The following TEC variants were observed in gnomAD, a reference collection of about 807,000 sequenced individuals.
TEC encodes the protein tyrosine-protein kinase Tec.
In TEC, 72 loss-of-function variants were observed where a neutral mutation model predicts 93.0. That is an observed-to-expected ratio of 0.77 (90% CI 0.64 to 0.94). The LOEUF (loss-of-function observed/expected upper bound fraction) is 0.94. TEC is among the 40% of genes least tolerant of loss of function. TEC has a pLI of 0.00. For synonymous variants in TEC, 249 were observed against 247.7 expected, an observed-to-expected ratio of 1.01 and a Z score of -0.05; for missense variants, 630 against 757.9, an observed-to-expected ratio of 0.83 and a Z score of 1.98.
chr4:48,165,587 G>A (rs938545729), intron 7 of TEC, among the ~76,000 whole-genome samples: 5 of 151,166 alleles, frequency 3.3e-5, no homozygotes, highest in East Asian at 1.9e-4. Context: ...ATTACTAAAA[G>A]TAGGACATCC....
chr4:48,209,284 T>C (rs1722815712), intron 2 of TEC, among the ~76,000 whole-genome samples: 1 of 152,166 alleles, frequency 6.6e-6, no homozygotes, highest in Non-Finnish European at 1.5e-5. Context: ...ACTATGTCTC[T>C]ATGTAACAGT....
chr4:48,187,653 GC>G (rs1427657977), intron 2 of TEC, among the ~76,000 whole-genome samples: 1 of 151,960 alleles, frequency 6.6e-6, no homozygotes, highest in Non-Finnish European at 1.5e-5. Flanking sequence ...CTCCTTTGTG[GC>G]CCCAGAGCTA....
At chr4:48,219,682 A>C (rs1723192179) in intron 2 of TEC, among the ~76,000 whole-genome samples, 1 of 151,960 alleles carries the variant, frequency 6.6e-6, no homozygotes, top group African/African-American at 2.4e-5. Flanking sequence ...GGCCCCCTAT[A>C]CTGTAATCAC....
In TEC at chr4:48,227,904, G is replaced by C. The variant is rs543536327; in HGVS notation, c.138+573C>G. Among the ~76,000 whole-genome samples the C allele has an allele frequency of 2.6e-5, 4 of 152,244 alleles. No homozygotes were observed. In the South Asian group the frequency reaches 8.3e-4, roughly 32 times the overall value. On this transcript the variant is annotated intron_variant, in intron 2 of 17. Coordinates refer to ENST00000381501, the MANE Select transcript of TEC (RefSeq NM_003215.3). ...GAAGCTAAAGCCACCCACAAGCCAG[G>C]AGTGTGCTAACCACACATTTGTCTG...
At chr4:48,238,779 A>C (rs547818940) in intron 1 of TEC, among the ~76,000 whole-genome samples, 1 of 151,662 alleles carries the variant, frequency 6.6e-6, no homozygotes, top group East Asian at 1.9e-4. Context: ...CTAAGTTAAG[A>C]CCAAAAAGAT....
chr4:48,161,239 T>C (rs1288310336), intron 8 of TEC, among the ~76,000 whole-genome samples: 2 of 152,240 alleles, frequency 1.3e-5, no homozygotes, highest in East Asian at 1.9e-4. Flanking sequence ...CAGTTATACA[T>C]CTTAGCTTGT....
chr4:48,229,525 A>T lies in TEC; in HGVS notation c.-45-866T>A, dbSNP rs1313156495. The stretch of plus-strand genomic sequence containing the variant: ...TAACTGTGGCTGGGCACAGTGGCTC[A>T]CGCCTGTTATCCCAGCACTTTGGGC... On this transcript the variant is annotated intron_variant, in intron 1 of 17. Transcript: ENST00000381501. Among the ~76,000 whole-genome samples, 8 of 152,376 alleles carry T rather than the reference A, an allele frequency of 5.3e-5. No homozygotes were observed. In the South Asian group the frequency reaches 1.2e-3, roughly 24 times the overall value.
chr4:48,244,122 A>C (rs1472293249), intron 1 of TEC, among the ~76,000 whole-genome samples: 1 of 152,186 alleles, frequency 6.6e-6, no homozygotes, highest in Non-Finnish European at 1.5e-5. Flanking sequence ...AGAAATACAA[A>C]AAGTAAGAAA....
rs368622554 is a variant in TEC, at chr4:48,185,981, C to T, written c.139-9795G>A. 3.9e-5 allele frequency among the ~76,000 whole-genome samples: 6 copies of T among 152,300 alleles called. No homozygotes were observed. The East Asian group carries it at 5.8e-4, about 15-fold the overall frequency. On this transcript the variant is annotated intron_variant, in intron 2 of 17. Transcript: ENST00000381501. ...TGCCAGATTCTCCTGCCTCAGCCTG[C>T]GGAGTGCCTGGGATTGCAGGCGCGC...
intron 1 of TEC, among the ~76,000 whole-genome samples, chr4:48,267,235 C>T (rs1041398076): frequency 5.9e-5 from 9 of 152,080 alleles, no homozygotes; most frequent in Admixed American, 2.6e-4. Context: ...TTTGAAAAAG[C>T]CCATCCTTGT....
At chr4:48,170,199 T>C in intron 5 of TEC, 49 bp downstream of exon 5, 3 of 1,433,204 alleles carry the variant, frequency 2.1e-6, no homozygotes, top group South Asian at 1.3e-5. Context: ...ATACCAATAA[T>C]ACGTTCATTC....
chr4:48,264,428 C>A (rs1560429614), intron 1 of TEC, among the ~76,000 whole-genome samples: 1 of 152,196 alleles, frequency 6.6e-6, no homozygotes, highest in Non-Finnish European at 1.5e-5. Flanking sequence ...ATATGCACAT[C>A]TACATACTGG....
chr4:48,217,748 A>G (rs559240188), intron 2 of TEC, among the ~76,000 whole-genome samples: 14 of 151,760 alleles, frequency 9.2e-5, no homozygotes, highest in Non-Finnish European at 1.6e-4. Flanking sequence ...CTGGAGGGGC[A>G]GGGAGGGTGA....
At chr4:48,267,313 G>C (rs1181225484) in intron 1 of TEC, among the ~76,000 whole-genome samples, 1 of 152,172 alleles carries the variant, frequency 6.6e-6, no homozygotes. Flanking sequence ...TCTGAGCTCT[G>C]AGCAGTCAAA....
chr4:48,236,549 T>C (rs989669472), intron 1 of TEC, among the ~76,000 whole-genome samples: 3 of 152,246 alleles, frequency 2.0e-5, no homozygotes, highest in Non-Finnish European at 4.4e-5. Flanking sequence ...CCCAAAGTGC[T>C]GGGATTACAG....
intron 2 of TEC, among the ~76,000 whole-genome samples, chr4:48,194,496 T>A (rs954083563): frequency 6.6e-6 from 1 of 152,172 alleles, no homozygotes; most frequent in African/African-American, 2.4e-5. Flanking sequence ...AATACTAAAC[T>A]GCATATAATG....
chr4:48,147,646 C>A (rs1719973874), intron 11 of TEC, among the ~76,000 whole-genome samples: 1 of 152,154 alleles, frequency 6.6e-6, no homozygotes, highest in Non-Finnish European at 1.5e-5. Context: ...GATAATCCCC[C>A]TATATTTGGA....
chr4:48,145,353 T>C, intron 13 of TEC, 55 bp downstream of exon 13: 1 of 1,611,472 alleles, frequency 6.2e-7, no homozygotes, highest in Non-Finnish European at 8.5e-7. Flanking sequence ...AAGTTTTTGG[T>C]AAGGGGCCAC....
chr4:48,163,586 T>C, intron 8 of TEC, 116 bp downstream of exon 8: 1 of 660,428 alleles, frequency 1.5e-6, no homozygotes, highest in Non-Finnish European at 2.6e-6. Flanking sequence ...AAGGATATTT[T>C]AGCACCCCCT....
Sources: allele counts gnomAD v4.1 joint callset (sites outside exome capture counted in the v4.1 genomes callset), GRCh38; gene constraint gnomAD v4.1.1; transcripts MANE v1.5; gene names NCBI Gene and HGNC (gene_info 2026-07-23, HGNC 2026-07-21).